Variants in HS3ST2 observed in about 807,000 individuals in gnomAD.
HS3ST2 encodes heparan sulfate glucosamine 3-O-sulfotransferase 2.
In HS3ST2, 17 loss-of-function variants were observed where a neutral mutation model predicts 26.3. The ratio of observed to expected loss-of-function variants is 0.65; its 90% CI spans 0.44 to 0.97. The LOEUF (loss-of-function observed/expected upper bound fraction) is 0.97. HS3ST2 is among the 50% of genes least tolerant of loss of function. The probability of loss-of-function intolerance (pLI) is 0.00; values close to 1 mark genes in which losing one functional copy is unlikely to be tolerated. For missense variants in HS3ST2, 402 were observed against 501.2 expected (o/e 0.80, Z 1.89); for synonymous variants, 237 against 219.2 (o/e 1.08, Z -0.72).
At chr16:22,899,007 G>A (rs1320764122) in intron 1 of HS3ST2, among the ~76,000 whole-genome samples, 1 of 152,172 alleles carries the variant, frequency 6.6e-6, no homozygotes, top group Non-Finnish European at 1.5e-5. Flanking sequence ...CCCACTAGGG[G>A]GCGCTGCTAT....
At chr16:22,861,347 C>T (rs765615151) in intron 1 of HS3ST2, among the ~76,000 whole-genome samples, 1 of 151,884 alleles carries the variant, frequency 6.6e-6, no homozygotes, top group Non-Finnish European at 1.5e-5. Flanking sequence ...GCTGCCCTGA[C>T]TGCATCTGAA....
At chr16:22,821,558 G>A (rs1596602922) in intron 1 of HS3ST2, among the ~76,000 whole-genome samples, 1 of 152,010 alleles carries the variant, frequency 6.6e-6, no homozygotes, top group East Asian at 1.9e-4. Flanking sequence ...GGCTTTGCGG[G>A]GTAGTGACTC....
chr16:22,818,860 C>T (rs868738444), intron 1 of HS3ST2, among the ~76,000 whole-genome samples: 2 of 15,842 alleles, frequency 1.3e-4, no homozygotes, highest in Admixed American at 5.1e-4. Context: ...CTCCCTCCCT[C>T]CCTCCCTTCC....
Position 22,869,070 on chromosome 16 carries a change from T to C in HS3ST2, c.486-45874T>C, listed in dbSNP as rs2141192436. ...AAATTAGCAATTTCCTAACAGGTACTAAACAAGCAGAACTGCAAATGAGAT... is the reference window on the plus strand; with the variant it reads ...AAATTAGCAATTTCCTAACAGGTACCAAACAAGCAGAACTGCAAATGAGAT... On this transcript the variant is annotated intron_variant, in intron 1 of 1. Transcript: ENST00000261374. 1.3e-5 allele frequency among the ~76,000 whole-genome samples: 2 copies of C among 151,846 alleles called. 1 individual carries two copies. Among genetic ancestry groups the C allele is most frequent in the South Asian group, 4.2e-4 (2 of 4,804 alleles).
chr16:22,883,888 A>C (rs1596625352), intron 1 of HS3ST2, among the ~76,000 whole-genome samples: 1 of 152,200 alleles, frequency 6.6e-6, no homozygotes, highest in African/African-American at 2.4e-5. Flanking sequence ...TGGGGAACCC[A>C]CCCAGCCAGC....
intron 1 of HS3ST2, among the ~76,000 whole-genome samples, chr16:22,897,446 G>T (rs1209529755): frequency 1.3e-5 from 2 of 152,116 alleles, no homozygotes; most frequent in African/African-American, 4.8e-5. Flanking sequence ...ATTGTTTTGA[G>T]TCAGAGGCTC....
chr16:22,872,739 C>T (rs562914429), intron 1 of HS3ST2, among the ~76,000 whole-genome samples: 18 of 152,134 alleles, frequency 1.2e-4, no homozygotes, highest in Non-Finnish European at 2.4e-4. Flanking sequence ...CAGTCCTGGA[C>T]CTGAGAATAC....
chr16:22,894,826 C>CA (rs1902185331), intron 1 of HS3ST2, among the ~76,000 whole-genome samples: 1 of 151,880 alleles, frequency 6.6e-6, no homozygotes, highest in Admixed American at 6.6e-5. Flanking sequence ...GACCCTATCT[C>CA]AAAATGAATA....
chr16:22,904,632 A>G (rs950700512), intron 1 of HS3ST2, among the ~76,000 whole-genome samples: 4 of 152,230 alleles, frequency 2.6e-5, no homozygotes, highest in African/African-American at 9.6e-5. Flanking sequence ...TGCAAAGGGT[A>G]CAACATGTCA....
rs182135765 is a variant in HS3ST2, at chr16:22,872,899, A to G, written c.486-42045A>G. ...GACTTCCAGACTTTCAACCACCAGT[A>G]CTGAGATCTCTGGCTGAAAGTGTAG... is the stretch of plus-strand genomic sequence containing the variant. On this transcript the variant is annotated intron_variant, in intron 1 of 1. Transcript: ENST00000261374. 1.8e-4 allele frequency among the ~76,000 whole-genome samples: 27 copies of G among 152,332 alleles called. No individual in the cohort carries two copies. In the East Asian group the frequency reaches 5.0e-3, roughly 28 times the overall value.
chr16:22,905,022 C>G (rs756380869), intron 1 of HS3ST2, among the ~76,000 whole-genome samples: 33 of 152,166 alleles, frequency 2.2e-4, no homozygotes, highest in African/African-American at 8.0e-4. Context: ...TGCAATAAGG[C>G]CTTTTCCCTC....
chr16:22,890,305 A>AT (rs35583876), intron 1 of HS3ST2, among the ~76,000 whole-genome samples: 1 of 151,892 alleles, frequency 6.6e-6, no homozygotes, highest in Non-Finnish European at 1.5e-5. Flanking sequence ...GCATTGCTTT[A>AT]TTTTTTTCTC....
At chr16:22,856,758 CT>C (rs1044295070) in intron 1 of HS3ST2, among the ~76,000 whole-genome samples, 1 of 152,126 alleles carries the variant, frequency 6.6e-6, no homozygotes, top group African/African-American at 2.4e-5. Flanking sequence ...AGGAGCTGTA[CT>C]TTGCAATCAG....
At chr16:22,826,468 C>T (rs958095553) in intron 1 of HS3ST2, among the ~76,000 whole-genome samples, 4 of 152,182 alleles carry the variant, frequency 2.6e-5, no homozygotes, top group African/African-American at 9.6e-5. Context: ...CTTTCCTCAC[C>T]ACCTTGCTTT....
At chr16:22,866,331 A>ATG in intron 1 of HS3ST2, among the ~76,000 whole-genome samples, 1 of 150,736 alleles carries the variant, frequency 6.6e-6, no homozygotes, top group African/African-American at 2.5e-5. Flanking sequence ...GCGCGCGCAC[A>ATG]CACACACACA....
chr16:22,886,474 G>A (rs2239335), intron 1 of HS3ST2, among the ~76,000 whole-genome samples: 16,372 of 152,150 alleles, frequency 0.11, 1,721 homozygotes, highest in East Asian at 0.33. Context: ...AAAATAGACA[G>A]CGTGTAAGCC....
Position 22,879,259 on chromosome 16 carries a change from T to C in HS3ST2, c.486-35685T>C, listed in dbSNP as rs115787481. On this transcript the variant is annotated intron_variant, in intron 1 of 1. Transcript: ENST00000261374. ...ATAACCAGTCTCACTGATTATTTCT[T>C]TGGATTCCAACAGAATCCACCAGGT... Among the ~76,000 whole-genome samples, 976 of 152,336 alleles carry C rather than the reference T, an allele frequency of 6.4e-3. 13 individuals are homozygous for C. The highest frequency in any genetic ancestry group is 0.022 in the African/African-American group (904 of 41,582).
chr16:22,888,793 G>T (rs894121129), intron 1 of HS3ST2, among the ~76,000 whole-genome samples: 2 of 152,188 alleles, frequency 1.3e-5, no homozygotes, highest in African/African-American at 4.8e-5. Flanking sequence ...TTTGGATGTA[G>T]ATTTAACCAA....
chr16:22,865,984 C>T (rs1901744251), intron 1 of HS3ST2, among the ~76,000 whole-genome samples: 1 of 152,132 alleles, frequency 6.6e-6, no homozygotes, highest in Non-Finnish European at 1.5e-5. Flanking sequence ...AGTCAATGGT[C>T]ATTTCTGAAA....
Sources: gnomAD v4.1 joint callset for allele counts (sites outside exome capture counted in the v4.1 genomes callset) on GRCh38, gnomAD v4.1.1 for gene constraint, MANE v1.5 for transcripts, NCBI Gene and HGNC (gene_info 2026-07-23, HGNC 2026-07-21) for gene names.